The following KLRG1 variants were observed in gnomAD, a reference collection of about 807,000 sequenced individuals.
KLRG1 encodes the protein killer cell lectin-like receptor subfamily G member 1.
Under a neutral mutation model 21.8 loss-of-function variants are expected in KLRG1, and 16 were observed. The observed-to-expected ratio is 0.73, with a 90% CI of 0.50 to 1.11. The LOEUF (loss-of-function observed/expected upper bound fraction) is 1.11. Among genes scored for constraint, KLRG1 ranks in the 50% most tolerant of loss-of-function variants. The pLI is 0.00. For missense variants in KLRG1, 173 were observed against 218.3 expected (o/e 0.79, Z 1.31); for synonymous variants, 69 against 75.9 (o/e 0.91, Z 0.47).
the KLRG1 span, chr12:9,094,969 T>C: frequency 6.8e-7 from 1 of 1,472,596 alleles, no homozygotes; most frequent in East Asian, 2.4e-5. Flanking sequence ...AATTTTTTGT[T>C]TACCATAAAA....
the KLRG1 span, chr12:9,160,384 C>T: frequency 6.2e-7 from 1 of 1,614,142 alleles, no homozygotes; most frequent in Non-Finnish European, 8.5e-7. Context: ...TCAGATAGTT[C>T]AAGACATAGA....
chr12:9,168,818 T>C, the KLRG1 span: 7 of 1,371,698 alleles, frequency 5.1e-6, no homozygotes, highest in African/African-American at 4.3e-5. Context: ...ATTTTGGGCA[T>C]AGTAATATTG....
At chr12:9,017,285 A>G in the KLRG1 span, among the ~76,000 whole-genome samples, 26 of 150,288 alleles carry the variant, frequency 1.7e-4, no homozygotes, top group East Asian at 1.9e-4. Flanking sequence ...AAAAAAAAAA[A>G]AAAAAGAAAA....
the KLRG1 span, among the ~76,000 whole-genome samples, chr12:9,059,225 A>G: frequency 1.3e-5 from 2 of 152,214 alleles, no homozygotes; most frequent in African/African-American, 4.8e-5. Context: ...AGCTTTCTCT[A>G]CATTTCACAG....
the KLRG1 span, chr12:9,109,965 A>G: frequency 1.9e-6 from 3 of 1,613,946 alleles, 1 homozygote; most frequent in Non-Finnish European, 2.5e-6. Flanking sequence ...TGAGAGGGGA[A>G]AAGAAAATTG....
the KLRG1 span, among the ~76,000 whole-genome samples, chr12:9,182,390 A>G: frequency 6.0e-5 from 9 of 149,162 alleles, no homozygotes; most frequent in African/African-American, 2.0e-4. Context: ...GCCTAAATCA[A>G]TTAAATATCA....
the KLRG1 span, among the ~76,000 whole-genome samples, chr12:9,173,536 G>T: frequency 6.6e-6 from 1 of 152,068 alleles, no homozygotes; most frequent in Non-Finnish European, 1.5e-5. Flanking sequence ...GAATCCAGGA[G>T]CTGGTTTTTT....
At chr12:9,097,516 A>G in the KLRG1 span, among the ~76,000 whole-genome samples, 1 of 152,186 alleles carries the variant, frequency 6.6e-6, no homozygotes, top group African/African-American at 2.4e-5. Context: ...TTCAGTTATC[A>G]ATGTCAATTA....
At chr12:9,204,251 C>A in the KLRG1 span, among the ~76,000 whole-genome samples, 1 of 152,130 alleles carries the variant, frequency 6.6e-6, no homozygotes, top group African/African-American at 2.4e-5. Context: ...TAAACTTTAA[C>A]TTTGACCTTT....
chr12:9,099,972 T>C, the KLRG1 span, among the ~76,000 whole-genome samples: 7 of 152,260 alleles, frequency 4.6e-5, no homozygotes, highest in Non-Finnish European at 8.8e-5. Flanking sequence ...CCTATGTAGA[T>C]TCTTTAGAGG....
chr12:9,112,772 T>A, the KLRG1 span: 1 of 505,380 alleles, frequency 2.0e-6, no homozygotes. Flanking sequence ...GATTCACACC[T>A]TCATACAGCT....
At chr12:9,097,304 G>A in the KLRG1 span, among the ~76,000 whole-genome samples, 21 of 151,956 alleles carry the variant, frequency 1.4e-4, no homozygotes, top group Non-Finnish European at 1.5e-5. Flanking sequence ...TTCTATTTCA[G>A]GAAAATAAAA....
At chr12:9,193,968 A>G in the KLRG1 span, 1 of 1,085,248 alleles carries the variant, frequency 9.2e-7, no homozygotes, top group Non-Finnish European at 1.3e-6. Context: ...ACTCAAAGTT[A>G]GATATCTTCT....
intron 1 of KLRG1, among the ~76,000 whole-genome samples, chr12:8,972,984 T>C (rs995243098): frequency 1.3e-5 from 2 of 151,402 alleles, no homozygotes; most frequent in African/African-American, 4.9e-5. Flanking sequence ...CTACTAAAAA[T>C]AAAAAAGTTA....
At chr12:9,214,901 TA>T in the KLRG1 span, among the ~76,000 whole-genome samples, 7 of 151,568 alleles carry the variant, frequency 4.6e-5, no homozygotes, top group East Asian at 1.9e-4. Context: ...AATAGAATCT[TA>T]AAAAAAAATT....
upstream of KLRG1, among the ~76,000 whole-genome samples, chr12:8,985,535 G>A (rs1946829720): frequency 1.3e-5 from 2 of 152,224 alleles, no homozygotes; most frequent in South Asian, 4.1e-4. Flanking sequence ...CCAGTCACAA[G>A]TCTGGGCCTC....
At chr12:9,153,666 A>C in the KLRG1 span, among the ~76,000 whole-genome samples, 7 of 152,336 alleles carry the variant, frequency 4.6e-5, no homozygotes, top group African/African-American at 1.7e-4. Context: ...TAAGTAGATG[A>C]TTGACCAGTT....
chr12:9,108,188 C>T, the KLRG1 span, among the ~76,000 whole-genome samples: 4 of 151,988 alleles, frequency 2.6e-5, no homozygotes, highest in South Asian at 2.1e-4. Flanking sequence ...TGCAGTGGTG[C>T]GATCTTGGCT....
At chr12:9,134,255 T>A in the KLRG1 span, among the ~76,000 whole-genome samples, 1 of 152,122 alleles carries the variant, frequency 6.6e-6, no homozygotes, top group African/African-American at 2.4e-5. Context: ...ATTCCCCACC[T>A]CAAGTGCTTG....
Sources: allele counts gnomAD v4.1 joint callset (sites outside exome capture counted in the v4.1 genomes callset), GRCh38; gene constraint gnomAD v4.1.1; transcripts MANE v1.5; gene names NCBI Gene and HGNC (gene_info 2026-07-23, HGNC 2026-07-21).